LRRC4C: variants seen among roughly 807,000 people sequenced by gnomAD.
LRRC4C encodes the protein leucine rich repeat containing 4C.
In LRRC4C, 5 loss-of-function variants were observed where a neutral mutation model predicts 33.6. The observed-to-expected ratio is 0.15, with a 90% CI of 0.08 to 0.31. The LOEUF is 0.31. Ranked by LOEUF, LRRC4C falls within the 10% of genes least tolerant of loss-of-function variation. The pLI, the probability that LRRC4C is intolerant of heterozygous loss-of-function variation, is 1.00. For synonymous variants in LRRC4C, 329 were observed against 302.0 expected (o/e 1.09, Z -0.93); for missense variants, 560 against 796.7 (o/e 0.70, Z 3.58).
At chr11:40,469,208 C>G (rs1475709776) in intron 3 of LRRC4C, among the ~76,000 whole-genome samples, 5 of 152,176 alleles carry the variant, frequency 3.3e-5, no homozygotes, top group Admixed American at 3.3e-4. Context: ...ACTGGTTAGA[C>G]AGTGGGTGCA....
chr11:40,506,152 T>G (rs1426294637), intron 3 of LRRC4C, among the ~76,000 whole-genome samples: 2 of 152,168 alleles, frequency 1.3e-5, no homozygotes, highest in African/African-American at 4.8e-5. Context: ...GGCCCTAATT[T>G]TAAGAAAAAC....
chr11:40,358,942 C>G (rs1947815500), intron 3 of LRRC4C, among the ~76,000 whole-genome samples: 1 of 151,910 alleles, frequency 6.6e-6, no homozygotes, highest in African/African-American at 2.4e-5. Context: ...GATTCCCATG[C>G]TTATTCTTCT....
At chr11:40,300,369 G>A (rs1261183224) in intron 4 of LRRC4C, among the ~76,000 whole-genome samples, 1 of 152,194 alleles carries the variant, frequency 6.6e-6, no homozygotes, top group African/African-American at 2.4e-5. Context: ...GATGATTGCA[G>A]AATTGCCCAT....
intron 1 of LRRC4C, among the ~76,000 whole-genome samples, chr11:41,027,109 G>A (rs1331969131): frequency 1.3e-5 from 2 of 151,628 alleles, no homozygotes; most frequent in Middle Eastern, 3.4e-3. Flanking sequence ...TGCCTAATTC[G>A]ACATAACCTA....
intron 2 of LRRC4C, among the ~76,000 whole-genome samples, chr11:40,904,856 T>A (rs775473555): frequency 1.2e-4 from 18 of 152,174 alleles, no homozygotes; most frequent in Non-Finnish European, 2.5e-4. Context: ...CACACTTTCA[T>A]CAAGCCCCTA....
chr11:40,564,925 G>T (rs1035942509), intron 3 of LRRC4C, among the ~76,000 whole-genome samples: 2 of 152,108 alleles, frequency 1.3e-5, no homozygotes, highest in African/African-American at 2.4e-5. Context: ...TTGGTTATTT[G>T]TTGCCCAACT....
intron 2 of LRRC4C, among the ~76,000 whole-genome samples, chr11:40,891,237 C>T (rs941871893): frequency 6.6e-6 from 1 of 151,942 alleles, no homozygotes; most frequent in African/African-American, 2.4e-5. Context: ...AACTCTGTCT[C>T]AAATAAACGA....
intron 2 of LRRC4C, among the ~76,000 whole-genome samples, chr11:40,843,605 A>G (rs1953014733): frequency 6.6e-6 from 1 of 152,210 alleles, no homozygotes; most frequent in Non-Finnish European, 1.5e-5. Flanking sequence ...CTAAAGTAGT[A>G]AAACTAAGGA....
At chr11:40,486,762 C>T (rs551694791) in intron 3 of LRRC4C, among the ~76,000 whole-genome samples, 1 of 151,704 alleles carries the variant, frequency 6.6e-6, no homozygotes, top group Non-Finnish European at 1.5e-5. Flanking sequence ...ATATGCTACT[C>T]TTCTAATATT....
chr11:40,403,159 A>G (rs1451614421), intron 3 of LRRC4C, among the ~76,000 whole-genome samples: 1 of 152,078 alleles, frequency 6.6e-6, no homozygotes, highest in Non-Finnish European at 1.5e-5. Context: ...AAAATAATTT[A>G]CACTGTCCCA....
chr11:41,078,162 G>A (rs1044262337), intron 1 of LRRC4C, among the ~76,000 whole-genome samples: 2 of 152,164 alleles, frequency 1.3e-5, no homozygotes, highest in African/African-American at 2.4e-5. Context: ...CATTCAACAA[G>A]TCTCTAGGAA....
At chr11:40,908,356 T>C (rs909604696) in intron 2 of LRRC4C, among the ~76,000 whole-genome samples, 2 of 152,020 alleles carry the variant, frequency 1.3e-5, no homozygotes, top group African/African-American at 4.8e-5. Context: ...CACTACTCAA[T>C]AAAATACTAG....
chr11:41,310,264 A>G lies in LRRC4C; in HGVS notation c.-496+149167T>C, dbSNP rs76687798. On this transcript the variant is annotated intron_variant, in intron 1 of 6. Coordinates refer to ENST00000528697, the MANE Select transcript of LRRC4C (RefSeq NM_001258419.2). ...CTTTTCAAATCACATCACATATTAA[A>G]GAGATCAGAATCAAAGAGGAAATGT... is the stretch of plus-strand genomic sequence containing the variant. Among the ~76,000 whole-genome samples, 1,278 of 152,358 alleles carry G rather than the reference A, an allele frequency of 8.4e-3. 25 individuals carry two copies. Among genetic ancestry groups the G allele is most frequent in the African/African-American group, 0.029 (1,206 of 41,576 alleles).
At chr11:41,369,567 G>A (rs752237690) in intron 1 of LRRC4C, among the ~76,000 whole-genome samples, 2 of 152,016 alleles carry the variant, frequency 1.3e-5, no homozygotes, top group Admixed American at 6.6e-5. Context: ...AAAAGATTGG[G>A]AAATCAGATG....
rs75750711 is a variant in LRRC4C, at chr11:41,211,249, A to G, written c.-496+248182T>C. ...ATGGCAGGGTGAAGAGCAGACTGCC[A>G]TCATCCCCTAGTGAATGCTATGGAA... is the stretch of plus-strand genomic sequence containing the variant. On this transcript the variant is annotated intron_variant, in intron 1 of 6. Coordinates refer to ENST00000528697, the MANE Select transcript of LRRC4C (RefSeq NM_001258419.2). Among the ~76,000 whole-genome samples, 380 of 152,362 alleles carry G rather than the reference A, an allele frequency of 2.5e-3. 3 individuals carry two copies. Among genetic ancestry groups the G allele is most frequent in the African/African-American group, 8.8e-3 (366 of 41,590 alleles).
intron 3 of LRRC4C, among the ~76,000 whole-genome samples, chr11:40,344,959 T>G (rs919204287): frequency 6.6e-6 from 1 of 152,088 alleles, no homozygotes; most frequent in African/African-American, 2.4e-5. Context: ...AGATAAAAGA[T>G]ATCTACAATA....
At chr11:40,448,523 G>A (rs999012661) in intron 3 of LRRC4C, among the ~76,000 whole-genome samples, 22 of 152,054 alleles carry the variant, frequency 1.4e-4, no homozygotes, top group East Asian at 3.9e-4. Flanking sequence ...TTCCTGTGTC[G>A]ATTTGCTGAG....
chr11:41,116,049 G>A (rs1293118808), intron 1 of LRRC4C, among the ~76,000 whole-genome samples: 1 of 152,044 alleles, frequency 6.6e-6, no homozygotes, highest in Admixed American at 6.6e-5. Flanking sequence ...TAATTAACCT[G>A]TATTACTTTT....
intron 3 of LRRC4C, among the ~76,000 whole-genome samples, chr11:40,470,827 A>T (rs1223740035): frequency 6.6e-6 from 1 of 152,162 alleles, no homozygotes; most frequent in Admixed American, 6.5e-5. Flanking sequence ...TGAAAACAAA[A>T]TTAGAGAAAA....
Sources: gnomAD v4.1 joint callset for allele counts (sites outside exome capture counted in the v4.1 genomes callset) on GRCh38, gnomAD v4.1.1 for gene constraint, MANE v1.5 for transcripts, NCBI Gene and HGNC (gene_info 2026-07-23, HGNC 2026-07-21) for gene names.